The following PDE1C variants were observed in gnomAD, a reference collection of about 807,000 sequenced individuals.
The protein encoded by PDE1C is dual specificity calcium/calmodulin-dependent 3',5'-cyclic nucleotide phosphodiesterase 1C.
A neutral mutation model predicts 93.1 loss-of-function variants in PDE1C; 62 were observed. The ratio of observed to expected loss-of-function variants is 0.67; its 90% CI spans 0.54 to 0.82. The LOEUF (loss-of-function observed/expected upper bound fraction) is 0.82. PDE1C is among the 40% of genes least tolerant of loss of function. PDE1C has a pLI of 0.00. For synonymous variants in PDE1C, 325 were observed against 310.1 expected (o/e 1.05, Z -0.50); for missense variants, 742 against 884.6 (o/e 0.84, Z 2.04).
chr7:31,658,482 A>G, the PDE1C span: 4 of 1,170,666 alleles, frequency 3.4e-6, no homozygotes, highest in African/African-American at 6.1e-5. Flanking sequence ...TAGAGTATCA[A>G]AGTGGTGCCC....
At chr7:31,711,440 C>T in the PDE1C span, among the ~76,000 whole-genome samples, 1 of 152,052 alleles carries the variant, frequency 6.6e-6, no homozygotes, top group Non-Finnish European at 1.5e-5. Flanking sequence ...GAGAGGAAGC[C>T]AGGAAGAAAC....
At position 31,926,883 on chromosome 7, in the gene PDE1C, A is replaced by C. The variant is rs1174780582; in HGVS notation, c.129-46023T>G. Among the ~76,000 whole-genome samples the C allele has an allele frequency of 2.0e-5, 3 of 151,630 alleles. No individual in the cohort carries two copies. The East Asian group carries it at 5.8e-4, about 29-fold the overall frequency. On this transcript the variant is annotated intron_variant, in intron 2 of 17. Transcript: ENST00000396191. ...CTATGTGGTCATTTGGGCAGACACC[A>C]AGCTAGCTGCAGGAGTTTTTTTGTT...
At chr7:32,206,244 T>C (rs551820330) in intron 2 of PDE1C, among the ~76,000 whole-genome samples, 2 of 151,910 alleles carry the variant, frequency 1.3e-5, no homozygotes, top group East Asian at 3.9e-4. Context: ...ATGCTGATAA[T>C]GGGACGGCTC....
chr7:31,886,006 G>A (rs1191660472), intron 2 of PDE1C, among the ~76,000 whole-genome samples: 1 of 152,150 alleles, frequency 6.6e-6, no homozygotes, highest in African/African-American at 2.4e-5. Context: ...CTGAGGATGG[G>A]GGGGCAGCTC....
At chr7:31,921,215 T>A (rs114558729) in intron 2 of PDE1C, among the ~76,000 whole-genome samples, 4,551 of 152,306 alleles carry the variant, frequency 0.03, 76 homozygotes, top group South Asian at 0.071. Flanking sequence ...CTTAGTTTCC[T>A]CCAAGCAGTC....
At chr7:32,017,952 T>C (rs1303900097) in intron 2 of PDE1C, among the ~76,000 whole-genome samples, 1 of 151,786 alleles carries the variant, frequency 6.6e-6, no homozygotes, top group Non-Finnish European at 1.5e-5. Context: ...TGGTGGTGCA[T>C]GCCTGTGGTC....
rs528868204 is a variant in PDE1C at position 32,163,144 on chromosome 7, A to G, written c.308+6641T>C. Among the ~76,000 whole-genome samples the G allele has an allele frequency of 3.3e-5, 5 of 152,324 alleles. No individual in the cohort carries two copies. The East Asian group carries it at 9.7e-4, about 29-fold the overall frequency. On this transcript the variant is annotated intron_variant, in intron 3 of 18. Transcript: ENST00000396193. ...AGTCAGGAGAGTAGGTGTCCCCAGA[A>G]GTTTCCAATGGGTGAGCAACACTCA... is the stretch of plus-strand genomic sequence containing the variant.
At chr7:32,362,108 G>A (rs921271398) in intron 1 of PDE1C, among the ~76,000 whole-genome samples, 1 of 152,180 alleles carries the variant, frequency 6.6e-6, no homozygotes, top group African/African-American at 2.4e-5. Context: ...AGGGCGGGGA[G>A]AACGATGGGG....
chr7:32,055,877 GCCCAGCTAAGTTTTGTATTTT>G (rs1345652290), intron 1 of PDE1C, among the ~76,000 whole-genome samples: 3 of 152,092 alleles, frequency 2.0e-5, no homozygotes. Context: ...ATGCCACCAT[GCCCAGCTAAGTTTTGTATTTT>G]TAGTAGAGAT....
At chr7:31,815,228 T>G (rs1788082797) in intron 15 of PDE1C, among the ~76,000 whole-genome samples, 1 of 152,192 alleles carries the variant, frequency 6.6e-6, no homozygotes, top group Admixed American at 6.5e-5. Context: ...ACTAGAAATA[T>G]TTGGAGGATG....
At chr7:32,128,467 A>G (rs949965755) in intron 3 of PDE1C, among the ~76,000 whole-genome samples, 3 of 151,996 alleles carry the variant, frequency 2.0e-5, no homozygotes, top group African/African-American at 4.8e-5. Flanking sequence ...TAATTCTTAC[A>G]CTTCAATAAG....
chr7:31,879,166 A>G lies in PDE1C; in HGVS notation c.255T>C (p.Asp85=). ...GAATGTCACTGAGCTCATCCTCTGTATCCAGGAGTCTCCTGAACACAAGAA... is the reference window on the plus strand; with the variant it reads ...GAATGTCACTGAGCTCATCCTCTGTGTCCAGGAGTCTCCTGAACACAAGAA... ...VYIDETRRLL[D]TEDELSDIQS... is the part of the protein sequence containing the mutation. Residue 85 remains aspartate, a synonymous_variant, in exon 4 of 18, where the codon GAT becomes GAC. Transcript: ENST00000396191. The G allele has an allele frequency of 1.2e-6, 2 of 1,613,350 alleles. No individual in the cohort carries two copies. The highest frequency in any genetic ancestry group is 1.3e-5 in the African/African-American group (1 of 75,052).
intron 2 of PDE1C, among the ~76,000 whole-genome samples, chr7:31,989,132 A>G (rs1340742691): frequency 6.6e-6 from 1 of 151,986 alleles, no homozygotes; most frequent in East Asian, 1.9e-4. Context: ...GAGGAAAAGA[A>G]AAGAAAGAAG....
intron 1 of PDE1C, among the ~76,000 whole-genome samples, chr7:32,271,007 G>A (rs769208665): frequency 2.0e-5 from 3 of 152,006 alleles, no homozygotes; most frequent in African/African-American, 4.8e-5. Context: ...GCATGGTGAC[G>A]GGAGCCTGTA....
the PDE1C span, among the ~76,000 whole-genome samples, chr7:31,736,983 A>G: frequency 0.99 from 150,740 of 152,112 alleles, 74,698 homozygotes; most frequent in East Asian, 1. Flanking sequence ...ACAGAGTCTC[A>G]CTCTGTCACC....
At chr7:31,672,907 G>C in the PDE1C span, among the ~76,000 whole-genome samples, 1 of 152,188 alleles carries the variant, frequency 6.6e-6, no homozygotes, top group East Asian at 1.9e-4. Context: ...TGCTGTTCTT[G>C]TGATACTGAG....
In PDE1C at chr7:32,221,003, G is replaced by A. The variant is rs115988815; in HGVS notation, c.86-11464C>T. On this transcript the variant is annotated intron_variant, in intron 1 of 18. Transcript: ENST00000396193. ...AAAGGAAGCTCTTCTTCGTAATGAT[G>A]CCATCCTTCCAGAGGTCTTCATGCT... Among the ~76,000 whole-genome samples the A allele has an allele frequency of 5.4e-3, 821 of 152,234 alleles. 9 individuals carry two copies. Among genetic ancestry groups the A allele is most frequent in the African/African-American group, 0.019 (775 of 41,548 alleles).
chr7:31,899,132 CTTTTTTT>C (rs386409838), intron 2 of PDE1C, among the ~76,000 whole-genome samples: 6 of 85,018 alleles, frequency 7.1e-5, no homozygotes, highest in Non-Finnish European at 9.1e-5. Flanking sequence ...GGCAGTCCCA[CTTTTTTT>C]TTTTTTTTTT....
chr7:32,124,534 G>A (rs185630688), intron 3 of PDE1C, among the ~76,000 whole-genome samples: 4 of 152,126 alleles, frequency 2.6e-5, no homozygotes, highest in South Asian at 2.1e-4. Context: ...GAACAGAGAC[G>A]TCGGAAATAC....
Sources: gnomAD v4.1 joint callset for allele counts (sites outside exome capture counted in the v4.1 genomes callset) on GRCh38, gnomAD v4.1.1 for gene constraint, MANE v1.5 for transcripts, NCBI Gene and HGNC (gene_info 2026-07-23, HGNC 2026-07-21) for gene names.